The following PPP2R3B variants were observed in gnomAD, a reference collection of about 807,000 sequenced individuals.
PPP2R3B encodes serine/threonine-protein phosphatase 2A regulatory subunit B'' subunit beta.
A neutral mutation model predicts 72.9 loss-of-function variants in PPP2R3B; 68 were observed. The ratio of observed to expected loss-of-function variants is 0.93; its 90% CI spans 0.77 to 1.14. The LOEUF (loss-of-function observed/expected upper bound fraction) is 1.14. PPP2R3B is among the 50% of genes most tolerant of loss of function. PPP2R3B has a pLI of 0.00. For synonymous variants in PPP2R3B, 466 were observed against 375.8 expected (o/e 1.24, Z -2.78); for missense variants, 1,018 against 842.0 (o/e 1.21, Z -2.59).
chrX:355,927 T>C (rs2071425735), intron 2 of PPP2R3B, among the ~76,000 whole-genome samples: 1 of 151,980 alleles, frequency 6.6e-6, no homozygotes, highest in Non-Finnish European at 1.5e-5. Context: ...CATGGGTGGG[T>C]ACAGACGTCA....
chrX:370,361 T>C (rs1219637658), intron 1 of PPP2R3B, among the ~76,000 whole-genome samples: 3 of 152,110 alleles, frequency 2.0e-5, no homozygotes, highest in Non-Finnish European at 4.4e-5. Context: ...AGACGTCGGC[T>C]GGGGCCTGCA....
chrX:370,661 C>T (rs1467514021), intron 1 of PPP2R3B, among the ~76,000 whole-genome samples: 2 of 152,186 alleles, frequency 1.3e-5, no homozygotes, highest in Non-Finnish European at 2.9e-5. Context: ...GGTGGGGAAC[C>T]CAAGCCCTGC....
chrX:366,475 G>C (rs2071710141), intron 1 of PPP2R3B, among the ~76,000 whole-genome samples: 1 of 5,406 alleles, frequency 1.8e-4, no homozygotes, highest in Non-Finnish European at 2.8e-4. Flanking sequence ...GGAGGGTGCA[G>C]TGAGCTGAGA....
chrX:372,263 G>A (rs1481849153), intron 1 of PPP2R3B, among the ~76,000 whole-genome samples: 3 of 152,230 alleles, frequency 2.0e-5, no homozygotes, highest in Admixed American at 6.5e-5. Flanking sequence ...GAAGACAGAG[G>A]TCAAAAACTC....
At chrX:363,457 C>CGCG (rs2071595044) in intron 1 of PPP2R3B, among the ~76,000 whole-genome samples, 1 of 151,860 alleles carries the variant, frequency 6.6e-6, no homozygotes, top group African/African-American at 2.4e-5. Flanking sequence ...TCCCCGAGCC[C>CGCG]ACCATCCCAC....
intron 1 of PPP2R3B, among the ~76,000 whole-genome samples, chrX:383,837 CAAAAAAAAAAAAAAAAAAA>C (rs757960788): frequency 2.6e-4 from 12 of 45,626 alleles, no homozygotes; most frequent in Admixed American, 7.3e-4. Flanking sequence ...GACTCCGTCT[CAAAAAAAAAAAAAAAAAAA>C]AAAAAAAAAA....
At chrX:383,547 C>T (rs2072170144) in intron 1 of PPP2R3B, among the ~76,000 whole-genome samples, 2 of 151,982 alleles carry the variant, frequency 1.3e-5, no homozygotes, top group South Asian at 4.2e-4. Flanking sequence ...TTTAAAAATA[C>T]ACGGCTGTCG....
At chrX:338,554 C>G (rs187695226) in intron 12 of PPP2R3B, 50 bp downstream of exon 12, 2 of 1,372,372 alleles carry the variant, frequency 1.5e-6, no homozygotes, top group African/African-American at 1.5e-5. Context: ...TCCCCACTCA[C>G]CCGTCCTCCC....
chrX:360,039 TAAA>T (rs1223684381), intron 2 of PPP2R3B, among the ~76,000 whole-genome samples: 1 of 152,114 alleles, frequency 6.6e-6, no homozygotes, highest in Non-Finnish European at 1.5e-5. Context: ...CGTATTGCCC[TAAA>T]ACCAAAACCA....
chrX:354,700 A>G (rs899698605), intron 2 of PPP2R3B, among the ~76,000 whole-genome samples: 7 of 152,038 alleles, frequency 4.6e-5, no homozygotes, highest in African/African-American at 1.7e-4. Context: ...AAAAAGAAAA[A>G]ATCAGCCAGG....
chrX:364,861 C>T (rs1388645505), intron 1 of PPP2R3B, among the ~76,000 whole-genome samples: 34 of 26,050 alleles, frequency 1.3e-3, no homozygotes, highest in Middle Eastern at 0.014. Flanking sequence ...CCAGCCTGGG[C>T]GACAGAGTGA....
intron 2 of PPP2R3B, among the ~76,000 whole-genome samples, chrX:355,596 G>A (rs2071419428): frequency 6.6e-6 from 1 of 152,152 alleles, no homozygotes; most frequent in African/African-American, 2.4e-5. Context: ...AACACCACGC[G>A]ATCCGGCCCT....
chrX:371,926 G>A (rs2071875090), intron 1 of PPP2R3B, among the ~76,000 whole-genome samples: 1 of 151,496 alleles, frequency 6.6e-6, no homozygotes, highest in Non-Finnish European at 1.5e-5. Context: ...CCTATTTTCT[G>A]TAAAATGAAG....
rs1451320402 is a variant in PPP2R3B, at chrX:354,389, G to C, written c.511-6696C>G. 8.7e-5 allele frequency among the ~76,000 whole-genome samples: 12 copies of C among 138,260 alleles called. No individual in the cohort carries two copies. In the East Asian group the frequency reaches 2.5e-3, roughly 29 times the overall value. 90.7% of individuals were successfully genotyped at this position (138,260 alleles called of 152,430 possible). Reference sequence around the variant, plus strand: ...GGCAATGCACGCTGCGGTGGAACAGGGACCGGGGGCTCACCCAAGGACCGG... The same window carrying C: ...GGCAATGCACGCTGCGGTGGAACAGCGACCGGGGGCTCACCCAAGGACCGG... On this transcript the variant is annotated intron_variant, in intron 2 of 12. Transcript: ENST00000390665.
At chrX:368,807 C>T (rs1221275990) in intron 1 of PPP2R3B, among the ~76,000 whole-genome samples, 17 of 86,500 alleles carry the variant, frequency 2.0e-4, no homozygotes, top group African/African-American at 4.9e-4. Context: ...ACCACCCACC[C>T]CGGGCACTGA....
intron 2 of PPP2R3B, among the ~76,000 whole-genome samples, chrX:361,145 T>A (rs918285211): frequency 1.4e-4 from 22 of 152,166 alleles, no homozygotes; most frequent in Non-Finnish European, 2.6e-4. Context: ...AGCATCAGGA[T>A]GAGAATGCAG....
chrX:362,562 C>G, intron 1 of PPP2R3B, among the ~76,000 whole-genome samples: 1 of 151,182 alleles, frequency 6.6e-6, no homozygotes, highest in East Asian at 2.0e-4. Flanking sequence ...TCCTCCTTGA[C>G]CAACTACCTA....
At chrX:341,182 T>C (rs773292667) in intron 9 of PPP2R3B, 125 bp downstream of exon 9, 1 of 911,402 alleles carries the variant, frequency 1.1e-6, no homozygotes, top group Non-Finnish European at 1.8e-6. Flanking sequence ...CCACCGGGCG[T>C]GCACATGTCC....
intron 2 of PPP2R3B, among the ~76,000 whole-genome samples, chrX:357,871 T>C (rs2071466758): frequency 6.6e-6 from 1 of 151,640 alleles, no homozygotes; most frequent in South Asian, 2.1e-4. Flanking sequence ...AGGGAGGAAA[T>C]GATGTATGAG....
Sources: allele counts gnomAD v4.1 joint callset (sites outside exome capture counted in the v4.1 genomes callset), GRCh38; gene constraint gnomAD v4.1.1; transcripts MANE v1.5; gene names NCBI Gene and HGNC (gene_info 2026-07-23, HGNC 2026-07-21).